GRIP1: variants seen among roughly 807,000 people sequenced by gnomAD.
GRIP1 encodes the protein glutamate receptor-interacting protein 1.
Under a neutral mutation model 129.9 loss-of-function variants are expected in GRIP1, and 45 were observed. The ratio of observed to expected loss-of-function variants is 0.35; its 90% confidence interval spans 0.27 to 0.44. The LOEUF is 0.44. Among genes scored for constraint, GRIP1 ranks in the 20% least tolerant of loss-of-function variants. The pLI is 1.00. For missense variants in GRIP1, 1,196 were observed against 1,396.8 expected (o/e 0.86, Z 2.29); for synonymous variants, 530 against 520.8 (o/e 1.02, Z -0.24).
At chr12:66,685,803 C>A (rs1235662598) in intron 1 of GRIP1, among the ~76,000 whole-genome samples, 3 of 152,192 alleles carry the variant, frequency 2.0e-5, no homozygotes. Flanking sequence ...TCACTAATCA[C>A]CATCTAACAC....
intron 2 of GRIP1, among the ~76,000 whole-genome samples, chr12:66,559,529 C>A (rs2062446516): frequency 6.6e-6 from 1 of 151,964 alleles, no homozygotes; most frequent in African/African-American, 2.4e-5. Flanking sequence ...TATCTATATG[C>A]CAACAGTGAA....
intron 1 of GRIP1, among the ~76,000 whole-genome samples, chr12:67,012,201 A>G (rs2042718910): frequency 1.3e-5 from 2 of 152,250 alleles, no homozygotes; most frequent in Non-Finnish European, 2.9e-5. Flanking sequence ...ATTTGTATTC[A>G]TCATAAGGAA....
intron 1 of GRIP1, among the ~76,000 whole-genome samples, chr12:66,771,963 G>A (rs1333132293): frequency 1.3e-5 from 2 of 152,132 alleles, no homozygotes; most frequent in Non-Finnish European, 2.9e-5. Context: ...AAGGACCACA[G>A]GAAAATTATA....
intron 16 of GRIP1, among the ~76,000 whole-genome samples, chr12:66,403,791 A>AG (rs1159975998): frequency 1.3e-5 from 2 of 152,240 alleles, no homozygotes; most frequent in Non-Finnish European, 2.9e-5. Context: ...GGGGAAAATG[A>AG]GGCAAAGGAA....
At chr12:66,393,372 T>A (rs2056668154) in intron 17 of GRIP1, among the ~76,000 whole-genome samples, 1 of 151,816 alleles carries the variant, frequency 6.6e-6, no homozygotes, top group African/African-American at 2.4e-5. Context: ...AGAGATGAGG[T>A]TTCCCCATTG....
chr12:66,381,448 C>A (rs1027587351), intron 19 of GRIP1, among the ~76,000 whole-genome samples: 1 of 152,158 alleles, frequency 6.6e-6, no homozygotes, highest in Non-Finnish European at 1.5e-5. Flanking sequence ...TCAAACCAAC[C>A]CCAAATACAT....
intron 23 of GRIP1, among the ~76,000 whole-genome samples, chr12:66,363,449 C>T (rs1051478884): frequency 6.7e-6 from 1 of 148,588 alleles, no homozygotes; most frequent in Non-Finnish European, 1.5e-5. Context: ...CTGGGTCTCA[C>T]TATGTTGCCC....
chr12:66,976,807 T>G (rs2042159314), intron 1 of GRIP1, among the ~76,000 whole-genome samples: 1 of 152,174 alleles, frequency 6.6e-6, no homozygotes, highest in Non-Finnish European at 1.5e-5. Context: ...ACTTCTGCCT[T>G]CTAATGTCAT....
chr12:66,697,229 A>G (rs1278055009), intron 1 of GRIP1, among the ~76,000 whole-genome samples: 2 of 152,242 alleles, frequency 1.3e-5, no homozygotes, highest in Admixed American at 6.5e-5. Context: ...CTCCTGACCT[A>G]TCTCAAACTC....
At chr12:66,749,163 G>C (rs1383106) in intron 1 of GRIP1, among the ~76,000 whole-genome samples, 91,445 of 152,070 alleles carry the variant, frequency 0.6, 28,014 homozygotes, top group East Asian at 0.74. Context: ...ATTAGTACAT[G>C]TATATCTCCT....
At chr12:66,950,632 A>G (rs1190626576) in intron 1 of GRIP1, among the ~76,000 whole-genome samples, 1 of 152,160 alleles carries the variant, frequency 6.6e-6, no homozygotes, top group Non-Finnish European at 1.5e-5. Flanking sequence ...TACTGCATGT[A>G]GCAATGGAAA....
intron 22 of GRIP1, among the ~76,000 whole-genome samples, chr12:66,374,249 G>T (rs1201763904): frequency 6.6e-6 from 1 of 152,218 alleles, no homozygotes; most frequent in African/African-American, 2.4e-5. Flanking sequence ...GTGTAGTGAT[G>T]TGATCTTGGC....
chr12:67,025,293 A>T (rs1379969990), intron 1 of GRIP1, among the ~76,000 whole-genome samples: 1 of 152,194 alleles, frequency 6.6e-6, no homozygotes, highest in East Asian at 1.9e-4. Flanking sequence ...GTAAGCTGAG[A>T]TCACGCCACT....
chr12:66,574,009 T>A (rs2063054332), intron 2 of GRIP1, among the ~76,000 whole-genome samples: 1 of 152,182 alleles, frequency 6.6e-6, no homozygotes. Context: ...ACTATTGATC[T>A]TTTTTTCCCC....
At chr12:66,391,132 A>G (rs2137503134) in intron 19 of GRIP1, among the ~76,000 whole-genome samples, 1 of 152,330 alleles carries the variant, frequency 6.6e-6, no homozygotes, top group Admixed American at 6.5e-5. Flanking sequence ...AAACCAGGAG[A>G]GAGCAAACTG....
intron 1 of GRIP1, among the ~76,000 whole-genome samples, chr12:66,968,348 C>T (rs2042025899): frequency 6.6e-6 from 1 of 151,758 alleles, no homozygotes; most frequent in Non-Finnish European, 1.5e-5. Flanking sequence ...TTAAAGTGGG[C>T]TTCTTGTAGA....
At chr12:66,897,562 C>G (rs1275191045) in intron 1 of GRIP1, among the ~76,000 whole-genome samples, 2 of 152,166 alleles carry the variant, frequency 1.3e-5, no homozygotes, top group African/African-American at 4.8e-5. Context: ...GACCAACCTA[C>G]AAATGCATGG....
chr12:66,646,907 C>A (rs567556050), intron 1 of GRIP1, among the ~76,000 whole-genome samples: 1 of 152,324 alleles, frequency 6.6e-6, no homozygotes, highest in African/African-American at 2.4e-5. Flanking sequence ...AGTTCAGCAG[C>A]TGTAGACCTC....
chr12:66,377,842 G>T (rs2055884352), intron 20 of GRIP1, among the ~76,000 whole-genome samples: 1 of 151,928 alleles, frequency 6.6e-6, no homozygotes, highest in Non-Finnish European at 1.5e-5. Context: ...GACTATTTGT[G>T]GCTGCTGCTA....
Sources: allele counts gnomAD v4.1 joint callset (sites outside exome capture counted in the v4.1 genomes callset), GRCh38; gene constraint gnomAD v4.1.1; transcripts MANE v1.5; gene names NCBI Gene and HGNC (gene_info 2026-07-23, HGNC 2026-07-21).